Variants in GOLGA1 observed in about 807,000 individuals in gnomAD.
The protein encoded by GOLGA1 is golgin subfamily A member 1.
A neutral mutation model predicts 119.7 loss-of-function variants in GOLGA1; 63 were observed. The observed-to-expected ratio is 0.53, with a 90% CI of 0.43 to 0.65. The LOEUF (loss-of-function observed/expected upper bound fraction) is 0.65. Ranked by LOEUF, GOLGA1 falls within the 30% of genes least tolerant of loss-of-function variation. The pLI is 0.00. For missense variants in GOLGA1, 798 were observed against 912.8 expected, an observed-to-expected ratio of 0.87 and a Z score of 1.62; for synonymous variants, 318 against 333.4, an observed-to-expected ratio of 0.95 and a Z score of 0.50.
At chr9:124,925,911 G>A (rs937044733) in intron 7 of GOLGA1, among the ~76,000 whole-genome samples, 2 of 152,098 alleles carry the variant, frequency 1.3e-5, no homozygotes, top group Non-Finnish European at 2.9e-5. Context: ...TAAGGTACCT[G>A]TACGGTGTTA....
At chr9:124,897,221 G>A (rs1031914200) in intron 15 of GOLGA1, among the ~76,000 whole-genome samples, 1 of 152,154 alleles carries the variant, frequency 6.6e-6, no homozygotes, top group Non-Finnish European at 1.5e-5. Flanking sequence ...CCCATTGGCT[G>A]TCCTTGCCCT....
At chr9:124,899,245 TGACACACTGTCAAGCACGAG>T (rs1830046485) in intron 14 of GOLGA1, 64 bp downstream of exon 14, 1 of 1,292,402 alleles carries the variant, frequency 7.7e-7, no homozygotes, top group Non-Finnish European at 1.1e-6. Context: ...GCAGAGGTGG[TGACACACTGTCAAGCACGAG>T]GCTGACTTCG....
chr9:124,943,732 A>G (rs1331004940), upstream of GOLGA1: 1 of 152,224 alleles, frequency 6.6e-6, no homozygotes, highest in Non-Finnish European at 1.5e-5. Context: ...AAAAAGATCA[A>G]ACATAACTTA....
At chr9:124,901,433 G>A (rs1830103641) in intron 12 of GOLGA1, among the ~76,000 whole-genome samples, 2 of 138,462 alleles carry the variant, frequency 1.4e-5, no homozygotes. Flanking sequence ...ACCACGCCCA[G>A]CTATTTTTTT....
chr9:124,900,527 G>T lies in GOLGA1; in HGVS notation c.1086C>A (p.Thr362=). Residue 362 remains threonine, a synonymous_variant, in exon 13 of 23, where the codon ACC becomes ACA. Transcript: ENST00000373555. ...GGAGCTGCTCCTCAGAGGCCTGCAA[G>T]GTCTGCTCCAGTTCTCTCACCTGAG... The part of the protein sequence containing the change: ...LETRVRELEQ[T]LQASEEQLQQ... 1 of 1,588,148 alleles carries T rather than the reference G, an allele frequency of 6.3e-7. No homozygotes were observed. The highest frequency in any genetic ancestry group is 8.6e-7 in the Non-Finnish European group (1 of 1,156,876).
chr9:124,894,226 T>C (rs567649364), intron 15 of GOLGA1, among the ~76,000 whole-genome samples: 28 of 152,304 alleles, frequency 1.8e-4, no homozygotes, highest in African/African-American at 6.0e-4. Flanking sequence ...TTTGGCGTCT[T>C]CTCTGTCGGC....
At chr9:124,889,063 A>T in intron 18 of GOLGA1, 80 bp downstream of exon 18, 1 of 1,142,736 alleles carries the variant, frequency 8.8e-7, no homozygotes, top group Non-Finnish European at 1.3e-6. Context: ...ATGTGTCCCC[A>T]CTGCTGCCTC....
chr9:124,905,191 A>T (rs1266042954), intron 12 of GOLGA1, among the ~76,000 whole-genome samples: 1 of 150,762 alleles, frequency 6.6e-6, no homozygotes, highest in Non-Finnish European at 1.5e-5. Flanking sequence ...TAAATAAATA[A>T]ATATATGGTG....
chr9:124,884,834 T>G (rs531145168), intron 19 of GOLGA1, among the ~76,000 whole-genome samples: 67 of 152,264 alleles, frequency 4.4e-4, no homozygotes, highest in African/African-American at 1.6e-3. Flanking sequence ...AGTTACTGAG[T>G]CCCTGCACTG....
intron 8 of GOLGA1, among the ~76,000 whole-genome samples, chr9:124,922,474 C>A (rs1472078486): frequency 1.4e-5 from 2 of 146,858 alleles, no homozygotes; most frequent in African/African-American, 5.1e-5. Context: ...TCCCTTGAGT[C>A]TGGGAGGTCG....
Position 124,921,124 on chromosome 9 carries a change from CT to C in GOLGA1, c.843+4del. 6.5e-7 allele frequency: 1 copy of C among 1,530,702 alleles called. No individual in the cohort carries two copies. Among genetic ancestry groups the C allele is most frequent in the Non-Finnish European group, 9.1e-7 (1 of 1,103,932 alleles). The allele number at this position is 1,530,702 out of a possible 1,614,324, so 94.8% of individuals were successfully genotyped here. On this transcript the variant is annotated splice_donor_region_variant and intron_variant, in intron 10 of 22. Coordinates refer to ENST00000373555, the MANE Select transcript of GOLGA1 (RefSeq NM_002077.4). The stretch of plus-strand genomic sequence containing the variant: ...ATCCAGGTCTTCTCCTCATATTCTA[CT>C]TACCTTTTGCAAATCAATGGAAAGC...
rs142948400 is a variant in GOLGA1 at position 124,921,169 on chromosome 9, A to C, written c.803T>G (p.Leu268Arg). ...ITALEQKEQELQALIQQLSID... is the reference protein window; with the variant it reads ...ITALEQKEQERQALIQQLSID... ...GGAAAGCTGCTGAATGAGTGCTTGG[A>C]GCTCTTGTTCCTTTTGTTCCAGGGC... Residue 268 changes from leucine (L) to arginine (R), a missense_variant, in exon 10 of 23, where the codon CTC (leucine) becomes CGC (arginine). Physicochemically the swap from Leu to Arg is moderately radical, Grantham distance 102 (BLOSUM62 -2). Coordinates refer to ENST00000373555, the MANE Select transcript of GOLGA1 (RefSeq NM_002077.4). The C allele has an allele frequency of 1.2e-5, 19 of 1,612,508 alleles. No individual in the cohort carries two copies. The highest frequency in any genetic ancestry group is 1.5e-5 in the Non-Finnish European group (18 of 1,178,486).
upstream of GOLGA1, among the ~76,000 whole-genome samples, chr9:124,941,984 T>G (rs1831045506): frequency 6.6e-6 from 1 of 152,080 alleles, no homozygotes; most frequent in Non-Finnish European, 1.5e-5. Flanking sequence ...TTGTTCCAAG[T>G]CACAGTCCAG....
In GOLGA1 at chr9:124,902,213, G is replaced by A. The variant is rs1277451934; in HGVS notation, c.1066-1666C>T. On this transcript the variant is annotated intron_variant, in intron 12 of 22. Transcript: ENST00000373555. ...TGCAAGCTCCACCTCCCGGGTTCACGCCATTCTCCTGCCTCAGCCTCCTGA... is the reference window on the plus strand; with the variant it reads ...TGCAAGCTCCACCTCCCGGGTTCACACCATTCTCCTGCCTCAGCCTCCTGA... 5.9e-5 allele frequency among the ~76,000 whole-genome samples: 9 copies of A among 151,702 alleles called. No individual in the cohort carries two copies. In the South Asian group the frequency reaches 1.0e-3, roughly 18 times the overall value.
rs748960626 is a variant in GOLGA1, at chr9:124,881,637, G to A, written c.2136+147C>T. 44 of 677,346 alleles carry A rather than the reference G, an allele frequency of 6.5e-5. No homozygotes were observed. The highest frequency in any genetic ancestry group is 9.6e-5 in the Non-Finnish European group (37 of 385,916). 42.0% of individuals were successfully genotyped at this position (677,346 alleles called of 1,614,324 possible). On this transcript the variant is annotated intron_variant, in intron 21 of 22. Coordinates refer to ENST00000373555, the MANE Select transcript of GOLGA1 (RefSeq NM_002077.4). The surrounding 1 kb of genome is among the most constrained non-coding windows in gnomAD (Gnocchi z 4.9). ...CCAGCCGCTCACTCCGCAGGCCAACGCCAGCAGGAGAAATGACTGGGTGAC... is the reference window on the plus strand; with the variant it reads ...CCAGCCGCTCACTCCGCAGGCCAACACCAGCAGGAGAAATGACTGGGTGAC...
chr9:124,936,191 T>A (rs1830863974), intron 3 of GOLGA1, among the ~76,000 whole-genome samples: 1 of 152,156 alleles, frequency 6.6e-6, no homozygotes, highest in Non-Finnish European at 1.5e-5. Context: ...TAAAACTACA[T>A]CCTTCAGCCC....
intron 15 of GOLGA1, among the ~76,000 whole-genome samples, chr9:124,894,381 TG>T (rs1412974369): frequency 7.1e-4 from 20 of 28,270 alleles, no homozygotes; most frequent in East Asian, 3.6e-3. Context: ...TTTAAAGTTT[TG>T]TGTGTGTGTG....
In GOLGA1 at chr9:124,898,068, T is replaced by C. The variant is rs118162604; in HGVS notation, c.1407+481A>G. Among the ~76,000 whole-genome samples, 1,056 of 152,348 alleles carry C rather than the reference T, an allele frequency of 6.9e-3. 19 individuals are homozygous for C. The East Asian group carries it at 0.083, about 12-fold the overall frequency. On this transcript the variant is annotated intron_variant, in intron 15 of 22. Transcript: ENST00000373555. ...CTCCAAGTTTGCAGAAGAGAAAGTT[T>C]AACAATCCAGCAGATTGTTTCTTCA...
chr9:124,902,565 A>C (rs1011433020), intron 12 of GOLGA1, among the ~76,000 whole-genome samples: 36 of 149,824 alleles, frequency 2.4e-4, no homozygotes, highest in African/African-American at 8.3e-4. Context: ...CGGCTCACTG[A>C]AAGCTCCGCC....
Sources: allele counts gnomAD v4.1 joint callset (sites outside exome capture counted in the v4.1 genomes callset), GRCh38; gene constraint gnomAD v4.1.1; non-coding constraint Gnocchi (gnomAD v3.1); transcripts MANE v1.5; gene names NCBI Gene and HGNC (gene_info 2026-07-23, HGNC 2026-07-21).